The following AIM2 variants were observed in gnomAD, a reference collection of about 807,000 sequenced individuals.
The protein encoded by AIM2 is absent in melanoma 2.
AIM2 carries 30 observed loss-of-function variants against 27.7 expected under a neutral mutation model. The observed-to-expected ratio is 1.08, with a 90% CI of 0.81 to 1.47. AIM2 has a LOEUF of 1.47. Ranked by LOEUF, AIM2 falls within the 40% of genes most tolerant of loss-of-function variation. The probability of loss-of-function intolerance (pLI) is 0.00; values close to 1 mark genes in which losing one functional copy is unlikely to be tolerated. For missense variants in AIM2, 358 were observed against 411.3 expected (o/e 0.87, Z 1.12); for synonymous variants, 141 against 145.3 (o/e 0.97, Z 0.21).
chr1:159,072,934 G>A (rs1011548666), intron 2 of AIM2, among the ~76,000 whole-genome samples: 14 of 152,186 alleles, frequency 9.2e-5, no homozygotes, highest in African/African-American at 3.1e-4. Context: ...GAAATTCTAC[G>A]TCCATATTCA....
chr1:159,082,049 A>T (rs1656789805), intron 1 of AIM2, among the ~76,000 whole-genome samples: 1 of 152,186 alleles, frequency 6.6e-6, no homozygotes, highest in Non-Finnish European at 1.5e-5. Context: ...TTCTAGCCAC[A>T]TGCTTTTAAA....
intron 1 of AIM2, chr1:159,146,891 T>C (rs863035): frequency 0.68 from 103,350 of 152,084 alleles, 36,823 homozygotes; most frequent in Admixed American, 0.79. Flanking sequence ...TCAGACCACT[T>C]TACTTGCCCA....
At chr1:159,080,631 T>G (rs1469096759), upstream of AIM2, among the ~76,000 whole-genome samples, 1 of 152,164 alleles carries the variant, frequency 6.6e-6, no homozygotes, top group Non-Finnish European at 1.5e-5. Flanking sequence ...ATTTTAGGCC[T>G]CACCCCCAGC....
intron 1 of AIM2, among the ~76,000 whole-genome samples, chr1:159,135,074 AT>A (rs1339491775): frequency 6.6e-6 from 1 of 152,062 alleles, no homozygotes; most frequent in Non-Finnish European, 1.5e-5. Flanking sequence ...TTCATTTACC[AT>A]TGCAGCTTTA....
At chr1:159,097,804 C>T (rs948386309) in intron 1 of AIM2, among the ~76,000 whole-genome samples, 4 of 152,174 alleles carry the variant, frequency 2.6e-5, no homozygotes, top group Non-Finnish European at 4.4e-5. Context: ...TATTAATTCA[C>T]ATTACCAAAT....
intron 1 of AIM2, among the ~76,000 whole-genome samples, chr1:159,114,458 T>A (rs935058815): frequency 3.3e-5 from 5 of 152,170 alleles, no homozygotes; most frequent in African/African-American, 1.2e-4. Flanking sequence ...TGGTGGCTCA[T>A]GCTTGTAATC....
intron 1 of AIM2, among the ~76,000 whole-genome samples, chr1:159,098,839 G>A (rs1657255948): frequency 6.6e-6 from 1 of 152,146 alleles, no homozygotes; most frequent in Admixed American, 6.5e-5. Flanking sequence ...TTTAGCGGAG[G>A]AAGATAATAG....
chr1:159,087,007 C>T (rs1656928960), intron 1 of AIM2, among the ~76,000 whole-genome samples: 1 of 152,188 alleles, frequency 6.6e-6, no homozygotes, highest in Admixed American at 6.5e-5. Flanking sequence ...CACCAAGACT[C>T]ACCACCTTAA....
rs1205585479 is a variant in AIM2 at position 159,063,486 on chromosome 1, C to A, written c.1005G>T (p.Lys335Asn). 8.1e-6 allele frequency: 13 copies of A among 1,611,226 alleles called. No homozygotes were observed. The highest frequency in any genetic ancestry group is 1.7e-5 in the Admixed American group (1 of 59,514). ...TGACTTTGTTCCATGCAGTTCCCAC[C>A]TTTATGGTGCTATGAACTCCAGATG... ...QLTSGVHSTI[K>N]VIKAKKKT The change falls in exon 5 of 6, where the codon AAG becomes AAT. Residue 335 changes from lysine (K) to asparagine (N), a missense_variant and splice_region_variant. Coordinates refer to ENST00000368130, the MANE Select transcript of AIM2 (RefSeq NM_004833.3).
At chr1:159,114,619 A>G (rs1373552463) in intron 1 of AIM2, among the ~76,000 whole-genome samples, 1 of 152,236 alleles carries the variant, frequency 6.6e-6, no homozygotes, top group Non-Finnish European at 1.5e-5. Flanking sequence ...CTGAGGCACA[A>G]GAATCACTTG....
chr1:159,094,921 A>T (rs1657138290), intron 1 of AIM2, among the ~76,000 whole-genome samples: 1 of 152,200 alleles, frequency 6.6e-6, no homozygotes, highest in Non-Finnish European at 1.5e-5. Context: ...AAAAAGGTAA[A>T]AAAAAACCCT....
chr1:159,131,923 C>G (rs1570982598), intron 1 of AIM2, among the ~76,000 whole-genome samples: 1 of 152,060 alleles, frequency 6.6e-6, no homozygotes, highest in Non-Finnish European at 1.5e-5. Flanking sequence ...TGGTATTTCA[C>G]CAAAAGACCA....
At chr1:159,101,637 G>C (rs2102018630) in intron 1 of AIM2, among the ~76,000 whole-genome samples, 1 of 152,336 alleles carries the variant, frequency 6.6e-6, no homozygotes, top group South Asian at 2.1e-4. Context: ...AATGCTGATA[G>C]TGATATGGAC....
chr1:159,119,557 T>C (rs889042465), intron 1 of AIM2, among the ~76,000 whole-genome samples: 4 of 151,984 alleles, frequency 2.6e-5, no homozygotes, highest in African/African-American at 9.7e-5. Context: ...AAACTCCTGA[T>C]ACAATAGGAG....
At chr1:159,073,073 C>T (rs1210757234) in intron 2 of AIM2, among the ~76,000 whole-genome samples, 165 bp downstream of exon 2, 1 of 152,166 alleles carries the variant, frequency 6.6e-6, no homozygotes, top group African/African-American at 2.4e-5. Context: ...ACAAACACTT[C>T]CTAGAAGCGA....
downstream of AIM2, among the ~76,000 whole-genome samples, chr1:159,061,032 C>T (rs960031213): frequency 6.6e-6 from 1 of 152,150 alleles, no homozygotes; most frequent in African/African-American, 2.4e-5. Flanking sequence ...TGCTCTGTAT[C>T]CTTCTCAGAC....
intron 1 of AIM2, among the ~76,000 whole-genome samples, chr1:159,146,738 T>TA (rs1321253458): frequency 2.6e-5 from 4 of 152,228 alleles, no homozygotes; most frequent in Admixed American, 2.6e-4. Context: ...CTGCCCCCCT[T>TA]AGCCATCAAC....
intron 1 of AIM2, among the ~76,000 whole-genome samples, chr1:159,145,766 C>T (rs1219519664): frequency 6.6e-6 from 1 of 152,120 alleles, no homozygotes; most frequent in African/African-American, 2.4e-5. Context: ...TCTCCCTTTC[C>T]TTATTACCTC....
intron 1 of AIM2, among the ~76,000 whole-genome samples, chr1:159,104,817 C>T (rs1303720804): frequency 6.6e-6 from 1 of 152,170 alleles, no homozygotes; most frequent in Non-Finnish European, 1.5e-5. Flanking sequence ...TCCATTTCTA[C>T]CACTTTCTAG....
Sources: gnomAD v4.1 joint callset for allele counts (sites outside exome capture counted in the v4.1 genomes callset) on GRCh38, gnomAD v4.1.1 for gene constraint, MANE v1.5 for transcripts, NCBI Gene and HGNC (gene_info 2026-07-23, HGNC 2026-07-21) for gene names.